BNC2: variants seen among roughly 807,000 people sequenced by gnomAD.
The protein encoded by BNC2 is basonuclin zinc finger protein 2.
In BNC2, 20 loss-of-function variants were observed where a neutral mutation model predicts 76.3. The ratio of observed to expected loss-of-function variants is 0.26; its 90% CI spans 0.18 to 0.38. The LOEUF (loss-of-function observed/expected upper bound fraction) is 0.38, where lower values mean the gene tolerates loss of function less well. Ranked by LOEUF, BNC2 falls within the 10% of genes least tolerant of loss-of-function variation. The probability of loss-of-function intolerance (pLI) is 1.00; values close to 1 mark genes in which losing one functional copy is unlikely to be tolerated. For synonymous variants in BNC2, 582 were observed against 514.8 expected (o/e 1.13, Z -1.77); for missense variants, 1,382 against 1,399.8 (o/e 0.99, Z 0.20).
At chr9:16,478,946 A>G (rs1821985765) in intron 5 of BNC2, among the ~76,000 whole-genome samples, 1 of 152,200 alleles carries the variant, frequency 6.6e-6, no homozygotes, top group Admixed American at 6.5e-5. Flanking sequence ...AGAGGACTCC[A>G]AAAAAGAAAA....
At chr9:16,433,698 A>C (rs139717865) in intron 6 of BNC2, among the ~76,000 whole-genome samples, 21 of 152,338 alleles carry the variant, frequency 1.4e-4, no homozygotes, top group African/African-American at 3.1e-4. Context: ...GAAGGCTTCA[A>C]ACACTGGGTG....
chr9:16,722,779 C>G (rs1390266575), intron 3 of BNC2, among the ~76,000 whole-genome samples: 1 of 152,132 alleles, frequency 6.6e-6, no homozygotes, highest in African/African-American at 2.4e-5. Flanking sequence ...TTTACATGTA[C>G]ATAGAATACC....
At chr9:16,846,325 T>C (rs1339548) in intron 1 of BNC2, among the ~76,000 whole-genome samples, 56,458 of 152,024 alleles carry the variant, frequency 0.37, 10,804 homozygotes, top group East Asian at 0.63. Context: ...AACAGAACTG[T>C]ACAATCTTTT....
chr9:16,852,322 G>A (rs1004409154), intron 1 of BNC2, among the ~76,000 whole-genome samples: 1 of 152,136 alleles, frequency 6.6e-6, no homozygotes, highest in Non-Finnish European at 1.5e-5. Context: ...CCCTTGAAGT[G>A]TTTACATCTA....
At chr9:16,677,547 C>T (rs559637017) in intron 3 of BNC2, among the ~76,000 whole-genome samples, 14 of 134,452 alleles carry the variant, frequency 1.0e-4, no homozygotes, top group Middle Eastern at 3.8e-3. Flanking sequence ...CACTCCAGCC[C>T]GGGGGACAAA....
chr9:16,488,403 A>T (rs1350571808), intron 5 of BNC2, among the ~76,000 whole-genome samples: 1 of 152,228 alleles, frequency 6.6e-6, no homozygotes, highest in Non-Finnish European at 1.5e-5. Flanking sequence ...CTATACTTAC[A>T]CTAATGGAAA....
At chr9:16,446,415 T>C (rs1458002570) in intron 5 of BNC2, among the ~76,000 whole-genome samples, 2 of 152,154 alleles carry the variant, frequency 1.3e-5, no homozygotes, top group African/African-American at 2.4e-5. Context: ...TTATGTGACT[T>C]TGAAGTAGTG....
chr9:16,546,724 T>C (rs1280141384), intron 5 of BNC2, among the ~76,000 whole-genome samples: 1 of 152,114 alleles, frequency 6.6e-6, no homozygotes, highest in Non-Finnish European at 1.5e-5. Context: ...ATATACGAGA[T>C]CTTAAGTTAG....
intron 3 of BNC2, among the ~76,000 whole-genome samples, chr9:16,678,913 C>T (rs897515585): frequency 6.6e-5 from 10 of 152,076 alleles, no homozygotes; most frequent in African/African-American, 2.2e-4. Flanking sequence ...TGTGCAAAGC[C>T]TTATAAATAT....
rs115752907 is a variant in BNC2, at chr9:16,445,646, G to A, written c.670-8122C>T. On this transcript the variant is annotated intron_variant, in intron 5 of 6. Transcript: ENST00000380672. ...ATCACATCCCTACTCTCCTCTCTAG[G>A]ACAGGGATGCCCCATGAGTGAGAGT... 2.9e-3 allele frequency among the ~76,000 whole-genome samples: 435 copies of A among 152,206 alleles called. 1 individual carries two copies. The highest frequency in any genetic ancestry group is 9.7e-3 in the African/African-American group (403 of 41,528).
intron 5 of BNC2, among the ~76,000 whole-genome samples, chr9:16,465,913 C>T (rs111487662): frequency 0.025 from 3,676 of 149,084 alleles, 127 homozygotes; most frequent in African/African-American, 0.082. Flanking sequence ...GACGACATGA[C>T]TGTTTATCTA....
chr9:16,580,090 G>T (rs149676035), intron 4 of BNC2: 1 of 398,500 alleles, frequency 2.5e-6, no homozygotes, highest in East Asian at 3.6e-5. Context: ...AAGGCAGCCG[G>T]AAAGAATGCT....
chr9:16,472,330 T>A (rs543921423), intron 5 of BNC2, among the ~76,000 whole-genome samples: 3 of 152,138 alleles, frequency 2.0e-5, no homozygotes, highest in Non-Finnish European at 4.4e-5. Flanking sequence ...CAGGGGTAAA[T>A]AGAAAAGCTG....
intron 1 of BNC2, among the ~76,000 whole-genome samples, chr9:16,784,666 A>G (rs1297323358): frequency 1.3e-5 from 2 of 152,194 alleles, no homozygotes; most frequent in Non-Finnish European, 2.9e-5. Flanking sequence ...GGTGTTTTTA[A>G]AAGCCTCCAA....
intron 3 of BNC2, among the ~76,000 whole-genome samples, chr9:16,591,672 T>C (rs1338492155): frequency 6.6e-6 from 1 of 152,162 alleles, no homozygotes; most frequent in African/African-American, 2.4e-5. Context: ...ATAGTGCAAA[T>C]GTCACTACTC....
intron 5 of BNC2, among the ~76,000 whole-genome samples, chr9:16,515,939 A>T (rs1468141382): frequency 7.9e-6 from 1 of 126,020 alleles, no homozygotes; most frequent in Non-Finnish European, 1.7e-5. Flanking sequence ...AACACTTCCA[A>T]AAGGGAAAAA....
At chr9:16,679,798 C>T (rs1822768753) in intron 3 of BNC2, among the ~76,000 whole-genome samples, 2 of 152,250 alleles carry the variant, frequency 1.3e-5, no homozygotes, top group Admixed American at 1.3e-4. Flanking sequence ...GTGAAGTGAT[C>T]TAAACTCGGA....
intron 1 of BNC2, among the ~76,000 whole-genome samples, chr9:16,772,627 A>G (rs1825861677): frequency 6.6e-6 from 1 of 152,008 alleles, no homozygotes. Context: ...TTTGTCTTTT[A>G]TGATTGATCA....
chr9:16,524,292 C>G (rs575333194), intron 5 of BNC2, among the ~76,000 whole-genome samples: 2 of 152,228 alleles, frequency 1.3e-5, no homozygotes, highest in East Asian at 1.9e-4. Context: ...CAGATTTAAC[C>G]TGAGAGTGAA....
Sources: gnomAD v4.1 joint callset for allele counts (sites outside exome capture counted in the v4.1 genomes callset) on GRCh38, gnomAD v4.1.1 for gene constraint, MANE v1.5 for transcripts, NCBI Gene and HGNC (gene_info 2026-07-23, HGNC 2026-07-21) for gene names.